The following FNDC3B variants were observed in gnomAD, a reference collection of about 807,000 sequenced individuals.
FNDC3B encodes fibronectin type III domain containing 3B.
Under a neutral mutation model 151.5 loss-of-function variants are expected in FNDC3B, and 12 were observed. That is an observed-to-expected ratio of 0.08 (90% CI 0.05 to 0.13). The LOEUF (loss-of-function observed/expected upper bound fraction) is 0.13. Ranked by LOEUF, FNDC3B falls within the 10% of genes least tolerant of loss-of-function variation. FNDC3B has a pLI of 1.00. For synonymous variants in FNDC3B, 528 were observed against 549.0 expected (o/e 0.96, Z 0.54); for missense variants, 1,214 against 1,505.3 (o/e 0.81, Z 3.20).
chr3:172,154,157 A>G (rs1722366995), intron 3 of FNDC3B, among the ~76,000 whole-genome samples: 2 of 152,202 alleles, frequency 1.3e-5, no homozygotes, highest in African/African-American at 4.8e-5. Flanking sequence ...CCCAAAAGTC[A>G]TAGTATCACA....
At chr3:172,288,009 C>T (rs540851862) in intron 7 of FNDC3B, among the ~76,000 whole-genome samples, 2 of 152,330 alleles carry the variant, frequency 1.3e-5, no homozygotes, top group East Asian at 3.9e-4. Flanking sequence ...GTTCTGTACC[C>T]ATCGCAGAGA....
At chr3:172,323,028 T>TTTGTTTG (rs1553789528) in intron 11 of FNDC3B, among the ~76,000 whole-genome samples, 2,068 of 151,730 alleles carry the variant, frequency 0.014, 59 homozygotes, top group African/African-American at 0.047. Flanking sequence ...GTGTTTTAGT[T>TTTGTTTG]TTTGTTTGTT....
intron 16 of FNDC3B, 58 bp downstream of exon 16, chr3:172,337,459 T>C (rs1733043811): frequency 1.9e-6 from 2 of 1,074,418 alleles, no homozygotes; most frequent in Non-Finnish European, 2.9e-6. Flanking sequence ...TTTTCTAATA[T>C]AGTAAATGTC....
At chr3:172,177,174 T>C (rs1723637600) in intron 3 of FNDC3B, among the ~76,000 whole-genome samples, 1 of 116,314 alleles carries the variant, frequency 8.6e-6, no homozygotes, top group African/African-American at 3.4e-5. Flanking sequence ...AATACACATA[T>C]GGGCCTAGCG....
chr3:172,374,809 G>A (rs1207626198), intron 23 of FNDC3B, among the ~76,000 whole-genome samples: 1 of 152,180 alleles, frequency 6.6e-6, no homozygotes, highest in Non-Finnish European at 1.5e-5. Context: ...ACTACTTGCT[G>A]GTGTTTCATA....
chr3:172,085,476 G>A (rs184918236), intron 1 of FNDC3B, among the ~76,000 whole-genome samples: 102 of 152,250 alleles, frequency 6.7e-4, no homozygotes, highest in African/African-American at 2.0e-3. Context: ...GTTAACTCTT[G>A]ATACCGAAGC....
At chr3:172,362,192 T>G (rs187385227) in intron 22 of FNDC3B, among the ~76,000 whole-genome samples, 1 of 152,276 alleles carries the variant, frequency 6.6e-6, no homozygotes, top group Admixed American at 6.5e-5. Context: ...AAGGGAGACA[T>G]GAAATGTCCT....
intron 3 of FNDC3B, among the ~76,000 whole-genome samples, chr3:172,182,777 T>G (rs1414111354): frequency 6.6e-6 from 1 of 152,224 alleles, no homozygotes; most frequent in Non-Finnish European, 1.5e-5. Flanking sequence ...TATCATAGGA[T>G]TTGTTTAATT....
intron 6 of FNDC3B, among the ~76,000 whole-genome samples, chr3:172,272,463 A>T (rs1729243898): frequency 6.6e-6 from 1 of 152,114 alleles, no homozygotes; most frequent in Non-Finnish European, 1.5e-5. Context: ...GTGACCAGAG[A>T]TATCTGAGAG....
At chr3:172,337,581 CAG>C in intron 16 of FNDC3B, 180 bp downstream of exon 16, 1 of 513,850 alleles carries the variant, frequency 1.9e-6, no homozygotes, top group African/African-American at 2.0e-5. Context: ...CACCAGAGAT[CAG>C]AGTCTACTTG....
At position 172,352,866 on chromosome 3, in the gene FNDC3B, G is replaced by T. The variant is rs778098677; in HGVS notation, c.2578G>T (p.Ala860Ser). 4.3e-6 allele frequency: 7 copies of T among 1,614,054 alleles called. No individual in the cohort carries two copies. The East Asian group carries it at 1.1e-4, about 26-fold the overall frequency. The change falls in exon 22 of 26, where the codon GCC becomes TCC. Residue 860 changes from alanine to serine, a missense_variant. Physicochemically the swap from Ala to Ser is moderately conservative, Grantham distance 99 (BLOSUM62 1). Coordinates refer to ENST00000415807, the MANE Select transcript of FNDC3B (RefSeq NM_022763.4). This position sits in a 1 kb window ranked among gnomAD's most constrained non-coding sequence, Gnocchi z 4.2. ...ELVLCQTPAS[A>S]PDPVSTLCVL... ...TGTCCTTTGCCAGACGCCAGCGTCT[G>T]CCCCTGACCCCGTCTCCACTCTCTG...
chr3:172,313,049 C>T (rs1347120543), intron 11 of FNDC3B, among the ~76,000 whole-genome samples: 1 of 151,882 alleles, frequency 6.6e-6, no homozygotes, highest in Admixed American at 6.6e-5. Flanking sequence ...TCTCACTTTT[C>T]TTAATTCCCT....
At chr3:172,194,723 T>A (rs1724737804) in intron 3 of FNDC3B, among the ~76,000 whole-genome samples, 2 of 152,318 alleles carry the variant, frequency 1.3e-5, no homozygotes, top group African/African-American at 4.8e-5. Flanking sequence ...AGTACTTAAT[T>A]TCAGAGGTGA....
Position 172,040,230 on chromosome 3 carries a change from G to A in FNDC3B, c.-29+459G>A, listed in dbSNP as rs1180220751. Among the ~76,000 whole-genome samples the A allele has an allele frequency of 3.9e-5, 6 of 152,038 alleles. No individual in the cohort carries two copies. Among genetic ancestry groups the A allele is most frequent in the African/African-American group, 1.2e-4 (5 of 41,406 alleles). The stretch of plus-strand genomic sequence containing the variant: ...GCGGCGAGGCCGAGGAATCTTCGAC[G>A]TGTCACTTTCTGAGGCTGTAGATTT... On this transcript the variant is annotated intron_variant, in intron 1 of 25. Transcript: ENST00000415807. This position sits in a 1 kb window ranked among gnomAD's most constrained non-coding sequence, Gnocchi z 6.6.
In FNDC3B at chr3:172,380,842, C is replaced by T. The variant is rs912797841; in HGVS notation, c.3176-124C>T. 3.7e-6 allele frequency: 4 copies of T among 1,091,522 alleles called. No individual in the cohort carries two copies. The Admixed American group carries it at 5.9e-5, about 16-fold the overall frequency. 67.6% of individuals were successfully genotyped at this position (1,091,522 alleles called of 1,614,324 possible). ...TTATGAGAGGCTGGGCAAATCAGCT[C>T]CTCTCTCAGGGCAAACACAGGCACA... On this transcript the variant is annotated intron_variant, in intron 24 of 25. Transcript: ENST00000415807.
intron 23 of FNDC3B, among the ~76,000 whole-genome samples, chr3:172,368,746 C>G (rs185277169): frequency 6.6e-6 from 1 of 152,332 alleles, no homozygotes; most frequent in East Asian, 1.9e-4. Flanking sequence ...TGCGGTGACT[C>G]ATGCCTGTAA....
Position 172,039,624 on chromosome 3 carries a change from A to AGCGGCGGCG in FNDC3B, c.-167_-159dup, listed in dbSNP as rs3832239. 2 of 162,954 alleles carry AGCGGCGGCG rather than the reference A, an allele frequency of 1.2e-5. No individual in the cohort carries two copies. Among genetic ancestry groups the AGCGGCGGCG allele is most frequent in the South Asian group, 3.2e-4 (2 of 6,346 alleles). 10.1% of individuals were successfully genotyped at this position (162,954 alleles called of 1,614,324 possible). A position where few individuals can be genotyped will look rare whatever the true frequency, so the allele number is the denominator to read the frequency against. On this transcript the variant is annotated 5_prime_UTR_variant, in exon 1 of 26. Coordinates refer to ENST00000415807, the MANE Select transcript of FNDC3B (RefSeq NM_022763.4). Reference sequence around the variant, plus strand: ...ATCAAACCCTCCTGGTAGTTATTTGAGCGGCGGCGGCGGCGGCTGGAGGAG... The same window carrying AGCGGCGGCG: ...ATCAAACCCTCCTGGTAGTTATTTGAGCGGCGGCGGCGGCGGCGGCGGCGGCTGGAGGAG...
chr3:172,261,148 T>C (rs1187963376), intron 6 of FNDC3B, among the ~76,000 whole-genome samples: 2 of 152,190 alleles, frequency 1.3e-5, no homozygotes, highest in South Asian at 2.1e-4. Context: ...GTGGGCTGCA[T>C]AGACCTGCCC....
intron 24 of FNDC3B, among the ~76,000 whole-genome samples, 165 bp downstream of exon 24, chr3:172,378,601 G>C (rs1735276625): frequency 6.6e-6 from 1 of 152,174 alleles, no homozygotes; most frequent in Admixed American, 6.5e-5. Flanking sequence ...GGGGAAATGA[G>C]AGACCTTGAA....
Sources: gnomAD v4.1 joint callset for allele counts (sites outside exome capture counted in the v4.1 genomes callset) on GRCh38, gnomAD v4.1.1 for gene constraint, Gnocchi (gnomAD v3.1) non-coding constraint, MANE v1.5 for transcripts, NCBI Gene and HGNC (gene_info 2026-07-23, HGNC 2026-07-21) for gene names.